The following DNHD1 variants were observed in gnomAD, a reference collection of about 807,000 sequenced individuals.
DNHD1 encodes dynein heavy chain domain 1.
A neutral mutation model predicts 458.1 loss-of-function variants in DNHD1; 383 were observed. The ratio of observed to expected loss-of-function variants is 0.84; its 90% CI spans 0.77 to 0.91. DNHD1 has a LOEUF of 0.91. DNHD1 is among the 40% of genes least tolerant of loss of function. The probability of loss-of-function intolerance (pLI) is 0.00; values close to 1 mark genes in which losing one functional copy is unlikely to be tolerated. For synonymous variants in DNHD1, 2,203 were observed against 2,376.9 expected, an observed-to-expected ratio of 0.93 and a Z score of 2.13; for missense variants, 5,336 against 5,866.1, an observed-to-expected ratio of 0.91 and a Z score of 2.95.
chr11:6,560,651 T>C (rs1015443468), intron 28 of DNHD1, among the ~76,000 whole-genome samples: 1 of 152,144 alleles, frequency 6.6e-6, no homozygotes, highest in Non-Finnish European at 1.5e-5. Context: ...GGATAAGAGA[T>C]GTTCGTAGTC....
chr11:6,510,346 A>C (rs1484862457), intron 6 of DNHD1, among the ~76,000 whole-genome samples: 1 of 152,128 alleles, frequency 6.6e-6, no homozygotes, highest in Non-Finnish European at 1.5e-5. Context: ...CGACCTCCCA[A>C]AGTGCTGGGA....
Position 6,557,033 on chromosome 11 carries a change from C to G in DNHD1, c.7738C>G (p.Pro2580Ala). The G allele has an allele frequency of 6.4e-7, 1 of 1,551,534 alleles. No individual in the cohort carries two copies. The highest frequency in any genetic ancestry group is 1.7e-4 in the Middle Eastern group (1 of 5,992). Residue 2580 changes from proline to alanine, a missense_variant, in exon 25 of 43, where the codon CCT (proline) becomes GCT (alanine). Coordinates refer to ENST00000254579, the MANE Select transcript of DNHD1 (RefSeq NM_144666.3). ...AWEAVCNCFM[P>A]SPLHPHYHFS... is the part of the protein sequence containing the mutation. ...GGAGGCTGTGTGCAATTGCTTCATG[C>G]CTTCACCCCTCCACCCACACTACCA... is the stretch of plus-strand genomic sequence containing the variant.
Position 6,511,440 on chromosome 11 carries a change from C to G in DNHD1, c.1392+11C>G, listed in dbSNP as rs199870516. ...TCCATTCTTCGACTGGTAAGAGGCT[C>G]TTAGTTTATTGTGGACCTCTTCCCC... On this transcript the variant is annotated intron_variant, in intron 7 of 42. Transcript: ENST00000254579. 1.9e-6 allele frequency: 3 copies of G among 1,613,212 alleles called. No homozygotes were observed. Among genetic ancestry groups the G allele is most frequent in the Non-Finnish European group, 2.5e-6 (3 of 1,179,436 alleles).
intron 18 of DNHD1, among the ~76,000 whole-genome samples, chr11:6,543,170 A>G (rs1460562193): frequency 6.6e-6 from 1 of 152,236 alleles, no homozygotes; most frequent in African/African-American, 2.4e-5. Flanking sequence ...CTCTGAGAGC[A>G]GGATAATGAG....
rs996917159 is a variant in DNHD1, at chr11:6,566,158, G to A, written c.11054-83G>A. The A allele has an allele frequency of 4.0e-6, 6 of 1,517,026 alleles. No homozygotes were observed. The African/African-American group carries it at 8.3e-5, about 21-fold the overall frequency. 94.0% of individuals were successfully genotyped at this position (1,517,026 alleles called of 1,614,324 possible). A position where few individuals can be genotyped will look rare whatever the true frequency, so the allele number is the denominator to read the frequency against. On this transcript the variant is annotated intron_variant, in intron 33 of 42. Coordinates refer to ENST00000254579, the MANE Select transcript of DNHD1 (RefSeq NM_144666.3). ...CCTCCTATCAGCCACAGGGAAGCTGGTCAGAGCCAGACCTCGTGCCTGGGG... is the reference window on the plus strand; with the variant it reads ...CCTCCTATCAGCCACAGGGAAGCTGATCAGAGCCAGACCTCGTGCCTGGGG...
chr11:6,498,141 G>A lies in DNHD1; in HGVS notation c.-75G>A. 1 of 1,555,736 alleles carries A rather than the reference G, an allele frequency of 6.4e-7. No individual in the cohort carries two copies. Among genetic ancestry groups the A allele is most frequent in the Non-Finnish European group, 8.7e-7 (1 of 1,149,028 alleles). On this transcript the variant is annotated 5_prime_UTR_variant, in exon 3 of 43. An upstream open reading frame in the 5' UTR gains an earlier in-frame stop. Transcript: ENST00000254579. ...CCATGCAGGTGAGGCCCCGCATCTG[G>A]CATCCTGGAACTGGCAGTTGGAGCC...
At position 6,546,328 on chromosome 11, in the gene DNHD1, G is replaced by C; in HGVS notation, c.5389G>C (p.Val1797Leu). The change falls in exon 21 of 43, where the codon GTG becomes CTG. Residue 1797 changes from valine to leucine, a missense_variant. Val to Leu is a conservative substitution (Grantham distance 32). Coordinates refer to ENST00000254579, the MANE Select transcript of DNHD1 (RefSeq NM_144666.3). ...SSFFEKHHVSVRLGYGCLLVL... is the reference protein window; with the variant it reads ...SSFFEKHHVSLRLGYGCLLVL... ...CTTCTTTGAAAAACATCACGTGTCTGTGCGCCTTGGCTATGGCTGTCTCCT... is the reference window on the plus strand; with the variant it reads ...CTTCTTTGAAAAACATCACGTGTCTCTGCGCCTTGGCTATGGCTGTCTCCT... 2 of 1,552,374 alleles carry C rather than the reference G, an allele frequency of 1.3e-6. No individual in the cohort carries two copies. The highest frequency in any genetic ancestry group is 1.7e-6 in the Non-Finnish European group (2 of 1,147,152).
intron 4 of DNHD1, chr11:6,503,313 T>G: frequency 6.1e-6 from 1 of 164,678 alleles, no homozygotes; most frequent in Non-Finnish European, 1.3e-5. Context: ...GAAAATTTTT[T>G]TCCAGGTATC....
intron 28 of DNHD1, among the ~76,000 whole-genome samples, chr11:6,559,960 C>A (rs1312822513): frequency 6.6e-6 from 1 of 152,100 alleles, no homozygotes. Flanking sequence ...ACCTCAAAAC[C>A]TTTTGCTGTC....
At chr11:6,520,470 T>G in intron 10 of DNHD1, 181 bp downstream of exon 10, 1 of 1,444,614 alleles carries the variant, frequency 6.9e-7, no homozygotes, top group Non-Finnish European at 9.1e-7. Context: ...AGGGAATGTT[T>G]TTGCTCACAA....
chr11:6,530,757 C>A (rs761472722), intron 12 of DNHD1, among the ~76,000 whole-genome samples: 3 of 152,064 alleles, frequency 2.0e-5, no homozygotes, highest in Non-Finnish European at 2.9e-5. Flanking sequence ...GGGGTTCAGG[C>A]GGGCAAGGCA....
At chr11:6,537,960 A>G (rs1445547856) in intron 14 of DNHD1, among the ~76,000 whole-genome samples, 1 of 152,148 alleles carries the variant, frequency 6.6e-6, no homozygotes, top group Non-Finnish European at 1.5e-5. Context: ...GTTTGTTTGA[A>G]CAAGGACTTG....
chr11:6,505,759 A>G lies in DNHD1; in HGVS notation c.920+2833A>G, dbSNP rs1852218659. On this transcript the variant is annotated intron_variant, in intron 4 of 42. Transcript: ENST00000254579. The surrounding 1 kb of genome is among the most constrained non-coding windows in gnomAD (Gnocchi z 4.4). ...GTACTGAATTCCTTGCTAATGGGAA[A>G]TAGGATACTAGTAATCCATGACACA... Among the ~76,000 whole-genome samples the G allele has an allele frequency of 6.6e-6, 1 of 152,212 alleles. No homozygotes were observed. The highest frequency in any genetic ancestry group is 6.5e-5 in the Admixed American group (1 of 15,288).
chr11:6,547,751 T>C (rs765574648), intron 21 of DNHD1, 85 bp downstream of exon 21: 18 of 1,487,808 alleles, frequency 1.2e-5, no homozygotes, highest in Non-Finnish European at 1.6e-5. Context: ...GCGTGTGTTC[T>C]TTGGTGGATC....
rs1285285921 is a variant in DNHD1, at chr11:6,548,541, T to C, written c.7099-104T>C. ...CACAATCACAAGAATACATGAAATA[T>C]TTTCCAAGTACAGCTCTAGGACAAG... On this transcript the variant is annotated intron_variant, in intron 23 of 42. Transcript: ENST00000254579. The surrounding 1 kb of genome is among the most constrained non-coding windows in gnomAD (Gnocchi z 4.4). The C allele has an allele frequency of 8.1e-6, 12 of 1,472,910 alleles. No individual in the cohort carries two copies. Among genetic ancestry groups the C allele is most frequent in the Non-Finnish European group, 1.1e-5 (12 of 1,091,544 alleles). 91.2% of individuals were successfully genotyped at this position (1,472,910 alleles called of 1,614,324 possible). A position where few individuals can be genotyped will look rare whatever the true frequency, so the allele number is the denominator to read the frequency against.
intron 7 of DNHD1, 60 bp downstream of exon 7, chr11:6,511,489 G>C: frequency 1.3e-6 from 2 of 1,585,436 alleles, no homozygotes; most frequent in South Asian, 1.1e-5. Context: ...CAGAGTTTCA[G>C]CCTCCTCTTA....
intron 24 of DNHD1, among the ~76,000 whole-genome samples, chr11:6,553,449 A>T (rs1188793935): frequency 1.3e-5 from 2 of 152,196 alleles, no homozygotes; most frequent in Admixed American, 6.5e-5. Flanking sequence ...GCAAGAACAT[A>T]CTCACTGCTT....
In DNHD1 at chr11:6,564,625, A is replaced by G; in HGVS notation, c.10577A>G (p.Asn3526Ser). 3 of 1,551,670 alleles carry G rather than the reference A, an allele frequency of 1.9e-6. No homozygotes were observed. Among genetic ancestry groups the G allele is most frequent in the Non-Finnish European group, 2.6e-6 (3 of 1,146,978 alleles). ...TCGGAGCAGTACCAGTGGGATGGAA[A>G]CCTGAAGCCACAGGCAAAGTCGGCC... ...SESEQYQWDG[N>S]LKPQAKSAHL... The change falls in exon 32 of 43, where the codon AAC (asparagine) becomes AGC (serine). Residue 3526 changes from asparagine (N) to serine (S), a missense_variant. Physicochemically the swap from Asn to Ser is conservative, Grantham distance 46 (BLOSUM62 1). Coordinates refer to ENST00000254579, the MANE Select transcript of DNHD1 (RefSeq NM_144666.3).
chr11:6,539,228 T>C lies in DNHD1; in HGVS notation c.3335T>C (p.Leu1112Pro). 6.4e-7 allele frequency: 1 copy of C among 1,551,026 alleles called. No homozygotes were observed. Among genetic ancestry groups the C allele is most frequent in the Non-Finnish European group, 8.7e-7 (1 of 1,146,384 alleles). The change falls in exon 17 of 43, where the codon CTG becomes CCG. Residue 1112 changes from leucine (L) to proline (P), a missense_variant. Physicochemically the swap from Leu to Pro is moderately conservative, Grantham distance 98. Transcript: ENST00000254579. Reference sequence around the variant, plus strand: ...TTTTCTCTACCTCCAGCCCTTGGGCTGGGCAGTCTCCAAACTATAGAACTC... The same window carrying C: ...TTTTCTCTACCTCCAGCCCTTGGGCCGGGCAGTCTCCAAACTATAGAACTC... ...NCQCLLRALG[L>P]GSLQTIELLT...
Sources: gnomAD v4.1 joint callset for allele counts (sites outside exome capture counted in the v4.1 genomes callset) on GRCh38, gnomAD v4.1.1 for gene constraint, Gnocchi (gnomAD v3.1) non-coding constraint, MANE v1.5 for transcripts, NCBI Gene and HGNC (gene_info 2026-07-23, HGNC 2026-07-21) for gene names.